Variants in HCRTR2 observed in about 807,000 individuals in gnomAD.
HCRTR2 encodes orexin receptor type 2.
A neutral mutation model predicts 49.0 loss-of-function variants in HCRTR2; 22 were observed. The ratio of observed to expected loss-of-function variants is 0.45; its 90% CI spans 0.32 to 0.64. The LOEUF (loss-of-function observed/expected upper bound fraction) is 0.64, where lower values mean the gene tolerates loss of function less well. Ranked by LOEUF, HCRTR2 falls within the 30% of genes least tolerant of loss-of-function variation. HCRTR2 has a pLI of 0.04. For missense variants in HCRTR2, 491 were observed against 559.4 expected (o/e 0.88, Z 1.23); for synonymous variants, 236 against 205.3 (o/e 1.15, Z -1.28).
chr6:55,208,690 G>T (rs1182884371), intron 1 of HCRTR2, among the ~76,000 whole-genome samples: 3 of 152,024 alleles, frequency 2.0e-5, no homozygotes, highest in Non-Finnish European at 2.9e-5. Flanking sequence ...ACTTTAAGCT[G>T]GTGTCAGTCT....
chr6:55,201,862 A>G (rs999698544), intron 1 of HCRTR2, among the ~76,000 whole-genome samples: 4 of 152,210 alleles, frequency 2.6e-5, no homozygotes, highest in African/African-American at 9.6e-5. Context: ...TCAGAAGCAT[A>G]TACTATTAAC....
chr6:55,267,412 T>TA lies in HCRTR2; in HGVS notation c.762+3590_762+3591insA, dbSNP rs999577880. 1.4e-4 allele frequency among the ~76,000 whole-genome samples: 21 copies of TA among 151,772 alleles called. 1 individual carries two copies. Among genetic ancestry groups the TA allele is most frequent in the African/African-American group, 5.1e-4 (21 of 41,356 alleles). On this transcript the variant is annotated intron_variant, in intron 4 of 6. Coordinates refer to ENST00000370862, the MANE Select transcript of HCRTR2 (RefSeq NM_001384272.1). ...AAATTCTCTCTCTCTCTGTTTTTTT[T>TA]TTTTTTTTTGGCAATTCGACTCAGA...
intron 1 of HCRTR2, among the ~76,000 whole-genome samples, chr6:55,176,024 A>T (rs984881182): frequency 6.6e-6 from 1 of 152,180 alleles, no homozygotes; most frequent in Non-Finnish European, 1.5e-5. Context: ...TGCAGTCAAA[A>T]GCAAAGAACT....
At chr6:55,191,472 G>A (rs965546458) in intron 1 of HCRTR2, among the ~76,000 whole-genome samples, 1 of 152,008 alleles carries the variant, frequency 6.6e-6, no homozygotes, top group Non-Finnish European at 1.5e-5. Flanking sequence ...AGTAAATATA[G>A]TTAGTCAATT....
At chr6:55,110,157 T>C (rs1202046985) in intron 1 of HCRTR2, among the ~76,000 whole-genome samples, 1 of 152,098 alleles carries the variant, frequency 6.6e-6, no homozygotes, top group Admixed American at 6.6e-5. Context: ...TTTTCCAGAC[T>C]AATAAATGCT....
chr6:55,240,663 G>C (rs948386484), intron 1 of HCRTR2: 2 of 244,896 alleles, frequency 8.2e-6, no homozygotes, highest in African/African-American at 4.7e-5. Context: ...GTGAAAACAA[G>C]AAAAAGGAAA....
chr6:55,114,006 G>A (rs907361859), intron 1 of HCRTR2, among the ~76,000 whole-genome samples: 2 of 151,824 alleles, frequency 1.3e-5, no homozygotes, highest in South Asian at 2.1e-4. Flanking sequence ...GGATGGAATC[G>A]GAGACCATTA....
intron 1 of HCRTR2, among the ~76,000 whole-genome samples, chr6:55,118,563 TTA>T (rs1186527908): frequency 2.0e-5 from 3 of 151,874 alleles, no homozygotes; most frequent in Non-Finnish European, 4.4e-5. Context: ...CCAGCATCTG[TTA>T]TGTTTTAACT....
intron 1 of HCRTR2, among the ~76,000 whole-genome samples, chr6:55,147,455 A>T (rs1378006520): frequency 2.6e-5 from 4 of 152,154 alleles, no homozygotes; most frequent in Non-Finnish European, 5.9e-5. Context: ...ATAATGACTT[A>T]AGTCCTTTAC....
chr6:55,126,689 G>T (rs1764283065), intron 1 of HCRTR2, among the ~76,000 whole-genome samples: 1 of 148,086 alleles, frequency 6.8e-6, no homozygotes. Context: ...GAAACCCCTT[G>T]CCCCAGGTGC....
At chr6:55,109,549 AG>A (rs1171115127) in intron 1 of HCRTR2, among the ~76,000 whole-genome samples, 2 of 152,194 alleles carry the variant, frequency 1.3e-5, no homozygotes, top group African/African-American at 2.4e-5. Context: ...ATGGGAATGA[AG>A]GACACACTTG....
intron 5 of HCRTR2, 112 bp from the exon 6 acceptor site, chr6:55,280,211 C>CACAAGAAAATAGA (rs1767162150): frequency 1.4e-6 from 1 of 730,082 alleles, no homozygotes; most frequent in African/African-American, 1.8e-5. Flanking sequence ...AATCTGTGGT[C>CACAAGAAAATAGA]AATTCCTGCA....
rs1263023614 is a variant in HCRTR2 at position 55,231,967 on chromosome 6, G to A, written c.224-16672G>A. On this transcript the variant is annotated intron_variant, in intron 1 of 6. Transcript: ENST00000370862. The stretch of plus-strand genomic sequence containing the variant: ...CACCTCACTCCTCCTGCTGTGATCA[G>A]TCTCTCCGTTTTTGTTCATTGTCCA... 3.3e-5 allele frequency among the ~76,000 whole-genome samples: 5 copies of A among 152,074 alleles called. No individual in the cohort carries two copies. In the East Asian group the frequency reaches 9.7e-4, roughly 29 times the overall value.
At chr6:55,127,160 G>C (rs527427285) in intron 1 of HCRTR2, among the ~76,000 whole-genome samples, 1 of 152,018 alleles carries the variant, frequency 6.6e-6, no homozygotes, top group African/African-American at 2.4e-5. Flanking sequence ...CTGCCCAAAC[G>C]GCCACCAAGT....
intron 1 of HCRTR2, among the ~76,000 whole-genome samples, chr6:55,127,088 C>T (rs1192536904): frequency 6.6e-6 from 1 of 151,988 alleles, no homozygotes; most frequent in African/African-American, 2.4e-5. Context: ...GGTTCTGTCT[C>T]GCTGACATTC....
chr6:55,143,807 G>A (rs1396967681), intron 1 of HCRTR2, among the ~76,000 whole-genome samples: 1 of 152,188 alleles, frequency 6.6e-6, no homozygotes, highest in Non-Finnish European at 1.5e-5. Context: ...TGTGGGTAGA[G>A]CCAAAATATG....
At chr6:55,122,953 A>C (rs951069976) in intron 1 of HCRTR2, among the ~76,000 whole-genome samples, 43 of 111,968 alleles carry the variant, frequency 3.8e-4, no homozygotes, top group Admixed American at 2.6e-3. Context: ...AACATCACAC[A>C]CTGGGGCCTG....
At chr6:55,162,711 C>A (rs1764823560) in intron 1 of HCRTR2, among the ~76,000 whole-genome samples, 1 of 152,066 alleles carries the variant, frequency 6.6e-6, no homozygotes, top group African/African-American at 2.4e-5. Flanking sequence ...AACAGAGAGC[C>A]AAATCATGAG....
chr6:55,168,644 C>T (rs532161065), intron 1 of HCRTR2, among the ~76,000 whole-genome samples: 1 of 152,186 alleles, frequency 6.6e-6, no homozygotes, highest in East Asian at 1.9e-4. Context: ...CAGCTCACTG[C>T]AGCCTCAACC....
Sources: allele counts gnomAD v4.1 joint callset (sites outside exome capture counted in the v4.1 genomes callset), GRCh38; gene constraint gnomAD v4.1.1; transcripts MANE v1.5; gene names NCBI Gene and HGNC (gene_info 2026-07-23, HGNC 2026-07-21).